ASTN2: variants seen among roughly 807,000 people sequenced by gnomAD.
ASTN2 encodes astrotactin 2.
Under a neutral mutation model 139.8 loss-of-function variants are expected in ASTN2, and 54 were observed. The observed-to-expected ratio is 0.39, with a 90% CI of 0.31 to 0.48. ASTN2 has a LOEUF of 0.48. ASTN2 is among the 20% of genes least tolerant of loss of function. The pLI, the probability that ASTN2 is intolerant of heterozygous loss-of-function variation, is 0.95. For synonymous variants in ASTN2, 756 were observed against 719.5 expected, an observed-to-expected ratio of 1.05 and a Z score of -0.81; for missense variants, 1,565 against 1,725.1, an observed-to-expected ratio of 0.91 and a Z score of 1.64.
chr9:117,386,375 G>A (rs929826903), intron 1 of ASTN2, among the ~76,000 whole-genome samples: 6 of 152,240 alleles, frequency 3.9e-5, no homozygotes, highest in Non-Finnish European at 8.8e-5. Context: ...GAAGACATGC[G>A]AGTCAGGAAG....
intron 6 of ASTN2, among the ~76,000 whole-genome samples, chr9:117,030,343 G>A (rs1323930544): frequency 6.6e-6 from 1 of 152,202 alleles, no homozygotes; most frequent in African/African-American, 2.4e-5. Context: ...AATTATTAAT[G>A]AGAGAAAATT....
chr9:116,515,633 T>C (rs1192051806), intron 19 of ASTN2, among the ~76,000 whole-genome samples: 3 of 152,198 alleles, frequency 2.0e-5, no homozygotes, highest in South Asian at 2.1e-4. Flanking sequence ...TAGCCTGAGA[T>C]AATCCATTTT....
chr9:116,710,651 C>T (rs1022638300), intron 16 of ASTN2, among the ~76,000 whole-genome samples: 5 of 148,872 alleles, frequency 3.4e-5, no homozygotes, highest in Admixed American at 6.8e-5. Flanking sequence ...GAGAATCACT[C>T]GAGCCCAGGA....
At chr9:116,635,098 A>G (rs1857009629) in intron 17 of ASTN2, among the ~76,000 whole-genome samples, 1 of 152,244 alleles carries the variant, frequency 6.6e-6, no homozygotes, top group Admixed American at 6.5e-5. Flanking sequence ...CACTGAGGTT[A>G]TAAGTAATTA....
At chr9:117,125,827 G>T (rs1477923021) in intron 4 of ASTN2, among the ~76,000 whole-genome samples, 1 of 146,984 alleles carries the variant, frequency 6.8e-6, no homozygotes, top group African/African-American at 2.5e-5. Context: ...ATTTCATTGC[G>T]GCGGGGGGGG....
chr9:117,331,068 G>A (rs777768868), intron 1 of ASTN2, among the ~76,000 whole-genome samples: 5 of 152,138 alleles, frequency 3.3e-5, no homozygotes, highest in Non-Finnish European at 7.4e-5. Flanking sequence ...ACCCACTTGG[G>A]TTTTCCGTCA....
intron 3 of ASTN2, among the ~76,000 whole-genome samples, chr9:117,174,103 A>G (rs1246487969): frequency 2.0e-5 from 3 of 149,796 alleles, no homozygotes; most frequent in Non-Finnish European, 4.5e-5. Flanking sequence ...GACTTGGGAT[A>G]TGTATAGCTA....
chr9:116,474,702 G>C (rs1848922231), intron 20 of ASTN2, among the ~76,000 whole-genome samples: 1 of 152,158 alleles, frequency 6.6e-6, no homozygotes, highest in Non-Finnish European at 1.5e-5. Context: ...CATTCCTAGA[G>C]TCTTAAATGA....
chr9:116,462,641 G>C (rs1848523056), intron 20 of ASTN2, among the ~76,000 whole-genome samples: 1 of 152,166 alleles, frequency 6.6e-6, no homozygotes, highest in African/African-American at 2.4e-5. Flanking sequence ...AAGCCGATAA[G>C]CTCAAAGAGG....
intron 20 of ASTN2, among the ~76,000 whole-genome samples, 200 bp downstream of exon 20, chr9:116,487,159 G>C (rs925187821): frequency 1.3e-5 from 2 of 152,114 alleles, no homozygotes; most frequent in Non-Finnish European, 2.9e-5. Context: ...GGGCACTTCA[G>C]GACTCACCTG....
At chr9:116,432,035 G>A (rs975020432) in intron 22 of ASTN2, among the ~76,000 whole-genome samples, 1 of 152,180 alleles carries the variant, frequency 6.6e-6, no homozygotes, top group Non-Finnish European at 1.5e-5. Context: ...ACTACAGTGG[G>A]AGTCGTAGCA....
At chr9:116,959,082 T>C (rs541283089) in intron 10 of ASTN2, among the ~76,000 whole-genome samples, 1 of 152,134 alleles carries the variant, frequency 6.6e-6, no homozygotes, top group Non-Finnish European at 1.5e-5. Context: ...TCGGCAGATA[T>C]ACAGCAGCAC....
chr9:116,705,518 AC>A (rs1289624231), intron 16 of ASTN2, among the ~76,000 whole-genome samples: 1 of 152,190 alleles, frequency 6.6e-6, no homozygotes, highest in Non-Finnish European at 1.5e-5. Context: ...TACCCAGTTT[AC>A]CTGGTTATAA....
intron 1 of ASTN2, among the ~76,000 whole-genome samples, chr9:117,349,533 G>GA (rs1829325433): frequency 6.6e-6 from 1 of 152,078 alleles, no homozygotes; most frequent in Non-Finnish European, 1.5e-5. Flanking sequence ...CAAAGGTTCA[G>GA]AAAAAATACT....
At chr9:117,266,520 G>A (rs576958004) in intron 2 of ASTN2, among the ~76,000 whole-genome samples, 1 of 152,236 alleles carries the variant, frequency 6.6e-6, no homozygotes, top group South Asian at 2.1e-4. Context: ...CAGTGCCATG[G>A]AGATGCCAAC....
At chr9:116,678,200 T>C (rs1475232201) in intron 16 of ASTN2, among the ~76,000 whole-genome samples, 2 of 152,196 alleles carry the variant, frequency 1.3e-5, no homozygotes, top group Admixed American at 6.5e-5. Context: ...ACTGTTTCCT[T>C]GACTTTTGAA....
chr9:116,669,743 C>T (rs1392284793), intron 16 of ASTN2, among the ~76,000 whole-genome samples: 1 of 151,560 alleles, frequency 6.6e-6, no homozygotes, highest in Non-Finnish European at 1.5e-5. Flanking sequence ...TTGACATTGT[C>T]TTTCATAGAG....
At chr9:116,919,798 G>A (rs1834549414) in intron 10 of ASTN2, among the ~76,000 whole-genome samples, 1 of 151,702 alleles carries the variant, frequency 6.6e-6, no homozygotes, top group Admixed American at 6.6e-5. Context: ...ACAAAAATTA[G>A]CCAAGCTTGA....
intron 5 of ASTN2, among the ~76,000 whole-genome samples, chr9:117,091,962 C>A (rs1828717927): frequency 6.6e-6 from 1 of 152,062 alleles, no homozygotes; most frequent in East Asian, 1.9e-4. Flanking sequence ...GTGGCAGGGA[C>A]TAGGATGGCA....
Sources: allele counts gnomAD v4.1 joint callset (sites outside exome capture counted in the v4.1 genomes callset), GRCh38; gene constraint gnomAD v4.1.1; transcripts MANE v1.5; gene names NCBI Gene and HGNC (gene_info 2026-07-23, HGNC 2026-07-21).